Variants in STAT3 observed in about 807,000 individuals in gnomAD.
STAT3 encodes DNA-binding protein APRF.
Under a neutral mutation model 114.3 loss-of-function variants are expected in STAT3, and 7 were observed. The observed-to-expected ratio is 0.06, with a 90% CI of 0.03 to 0.11. The LOEUF (loss-of-function observed/expected upper bound fraction) is 0.11. STAT3 is among the 10% of genes least tolerant of loss of function. The pLI is 1.00. For missense variants in STAT3, 364 were observed against 960.9 expected, an observed-to-expected ratio of 0.38 and a Z score of 8.21; for synonymous variants, 331 against 354.5, an observed-to-expected ratio of 0.93 and a Z score of 0.74.
At chr17:42,367,390 C>T (rs1435219816) in intron 1 of STAT3, among the ~76,000 whole-genome samples, 1 of 151,916 alleles carries the variant, frequency 6.6e-6, no homozygotes, top group Admixed American at 6.6e-5. Flanking sequence ...GCTCAAAACC[C>T]ACTCAGGAAA....
intron 1 of STAT3, among the ~76,000 whole-genome samples, chr17:42,383,359 T>C (rs949722613): frequency 3.6e-5 from 5 of 140,478 alleles, no homozygotes; most frequent in African/African-American, 1.3e-4. Flanking sequence ...GCCCAGCCTG[T>C]TTTTGCCTTT....
rs1567723282 is a variant in STAT3, at chr17:42,339,317, C to T, written c.465G>A (p.Val155=). 3 of 1,613,556 alleles carry T rather than the reference C, an allele frequency of 1.9e-6. No individual in the cohort carries two copies. The highest frequency in any genetic ancestry group is 1.1e-5 in the South Asian group (1 of 91,082). ...CGAGGCTTGTAACTTGCATCACCTG[C>T]ACTCTCTTCCGGACATCCTGAAGGT... ...EQHLQDVRKR[V]QDLEQKMKVV... The change falls in exon 5 of 24, where the codon GTG becomes GTA. Residue 155 remains valine (V), a synonymous_variant. Transcript: ENST00000264657.
chr17:42,322,334 G>C lies in STAT3; in HGVS notation c.2049C>G (p.Phe683Leu), dbSNP rs373256669. The C allele has an allele frequency of 6.2e-7, 1 of 1,614,214 alleles. No homozygotes were observed. The change falls in exon 21 of 24, where the codon TTC becomes TTG. Residue 683 changes from phenylalanine (F) to leucine (L), a missense_variant. By Grantham distance (22) the Phe-to-Leu change is conservative. Coordinates refer to ENST00000264657, the MANE Select transcript of STAT3 (RefSeq NM_139276.3). ...GGCTCTCTGGCCGACAATACTTTCC[G>C]AATGCCTCCTCCTTGGGAATGTCAG... ...LYPDIPKEEA[F>L]GKYCRPESQE...
At chr17:42,343,307 G>A (rs1049454196) in intron 4 of STAT3, among the ~76,000 whole-genome samples, 2 of 151,800 alleles carry the variant, frequency 1.3e-5, no homozygotes, top group Admixed American at 6.6e-5. Context: ...TATTAAAGAC[G>A]GTAAAACCCC....
chr17:42,366,748 C>G (rs1246202559), intron 1 of STAT3, among the ~76,000 whole-genome samples: 1 of 151,752 alleles, frequency 6.6e-6, no homozygotes, highest in Non-Finnish European at 1.5e-5. Flanking sequence ...ATCCAGGCCA[C>G]CAGCATCTCT....
chr17:42,321,958 C>T (rs541157446), intron 21 of STAT3, among the ~76,000 whole-genome samples: 8 of 152,184 alleles, frequency 5.3e-5, no homozygotes, highest in Non-Finnish European at 8.8e-5. Context: ...CAAGTAGCTA[C>T]GACTACAAAT....
intron 1 of STAT3, among the ~76,000 whole-genome samples, chr17:42,354,865 C>T (rs1157822115): frequency 6.7e-6 from 1 of 150,370 alleles, no homozygotes; most frequent in African/African-American, 2.5e-5. Flanking sequence ...TGTTTTACTT[C>T]TTAGTCTAAT....
At position 42,346,716 on chromosome 17, in the gene STAT3, A is replaced by G; in HGVS notation, c.129-3T>C. On this transcript the variant is annotated splice_region_variant and splice_polypyrimidine_tract_variant and intron_variant, in intron 2 of 23. Coordinates refer to ENST00000264657, the MANE Select transcript of STAT3 (RefSeq NM_139276.3). Reference sequence around the variant, plus strand: ...ATTCTTTGCTGGCCGCATATGCCCTAGGAAAAGGAAGAATGATAAAGAATG... The same window carrying G: ...ATTCTTTGCTGGCCGCATATGCCCTGGGAAAAGGAAGAATGATAAAGAATG... 6.2e-7 allele frequency: 1 copy of G among 1,614,158 alleles called. No individual in the cohort carries two copies. Among genetic ancestry groups the G allele is most frequent in the South Asian group, 1.1e-5 (1 of 91,084 alleles).
At chr17:42,345,082 A>C (rs1184136028) in intron 4 of STAT3, among the ~76,000 whole-genome samples, 1 of 151,766 alleles carries the variant, frequency 6.6e-6, no homozygotes, top group Admixed American at 6.6e-5. Flanking sequence ...CCTGACCAAC[A>C]TGAAGAAACC....
intron 1 of STAT3, among the ~76,000 whole-genome samples, chr17:42,359,126 G>C (rs1199841762): frequency 1.3e-5 from 2 of 151,702 alleles, no homozygotes; most frequent in Non-Finnish European, 2.9e-5. Flanking sequence ...TAGTAAAGAG[G>C]GGGTTTCATC....
chr17:42,350,929 G>A (rs1471249494), intron 1 of STAT3, among the ~76,000 whole-genome samples: 3 of 152,036 alleles, frequency 2.0e-5, no homozygotes, highest in South Asian at 2.1e-4. Flanking sequence ...TCAGGAGATC[G>A]AGACCATCCT....
At chr17:42,343,286 T>C (rs2082531593) in intron 4 of STAT3, among the ~76,000 whole-genome samples, 1 of 151,872 alleles carries the variant, frequency 6.6e-6, no homozygotes, top group Non-Finnish European at 1.5e-5. Context: ...AAAATGTCCC[T>C]GATTATAGGA....
Position 42,330,557 on chromosome 17 carries a change from T to C in STAT3, c.1110-781A>G, listed in dbSNP as rs553055294. On this transcript the variant is annotated intron_variant, in intron 11 of 23. Transcript: ENST00000264657. ...CATTCTCCTGCCTCAGCCTCCTGAGTAGCTGGGACTACAGGTGCCCGCCAC... is the reference window on the plus strand; with the variant it reads ...CATTCTCCTGCCTCAGCCTCCTGAGCAGCTGGGACTACAGGTGCCCGCCAC... Among the ~76,000 whole-genome samples, 413 of 151,592 alleles carry C rather than the reference T, an allele frequency of 2.7e-3. 4 individuals carry two copies. Among genetic ancestry groups the C allele is most frequent in the Middle Eastern group, 0.014 (4 of 294 alleles).
chr17:42,386,451 C>T (rs765709139), intron 1 of STAT3, among the ~76,000 whole-genome samples: 4 of 152,264 alleles, frequency 2.6e-5, no homozygotes, highest in South Asian at 2.1e-4. Context: ...ACCCACCTCA[C>T]AAGTCCTTTG....
chr17:42,355,218 G>A (rs903412609), intron 1 of STAT3, among the ~76,000 whole-genome samples: 4 of 152,068 alleles, frequency 2.6e-5, no homozygotes, highest in Middle Eastern at 3.2e-3. Flanking sequence ...TCATATCTAC[G>A]GAATAATTCT....
chr17:42,348,951 A>G (rs968289232), intron 1 of STAT3, among the ~76,000 whole-genome samples: 1 of 152,110 alleles, frequency 6.6e-6, no homozygotes, highest in Non-Finnish European at 1.5e-5. Context: ...GTGCAATGGC[A>G]TGATCATGGG....
chr17:42,368,475 T>C (rs2083924873), intron 1 of STAT3, among the ~76,000 whole-genome samples: 1 of 152,224 alleles, frequency 6.6e-6, no homozygotes, highest in Admixed American at 6.5e-5. Flanking sequence ...TGTTTTGTTT[T>C]TTGAGACAAG....
In STAT3 at chr17:42,337,467, C is replaced by T. The variant is rs527634708; in HGVS notation, c.765G>A (p.Pro255=). The stretch of plus-strand genomic sequence containing the variant: ...CTAGCCGATCTAGGCAGATGTTGGG[C>T]GGGCCTCCAATGCAGGCAATCTGTT... The part of the protein sequence containing the change: ...RRQQIACIGG[P]PNICLDRLEN... The change falls in exon 8 of 24, where the codon CCG becomes CCA. Residue 255 remains proline (P), a synonymous_variant. Coordinates refer to ENST00000264657, the MANE Select transcript of STAT3 (RefSeq NM_139276.3). The surrounding 1 kb of genome is among the most constrained non-coding windows in gnomAD (Gnocchi z 4.0). 3.3e-5 allele frequency: 54 copies of T among 1,614,148 alleles called. No homozygotes were observed. Among genetic ancestry groups the T allele is most frequent in the South Asian group, 2.4e-4 (22 of 91,076 alleles).
At chr17:42,347,910 C>T (rs773486629) in intron 2 of STAT3, among the ~76,000 whole-genome samples, 69 of 152,118 alleles carry the variant, frequency 4.5e-4, no homozygotes, top group Non-Finnish European at 5.9e-4. Flanking sequence ...AACTATGAGC[C>T]GATTAAACCT....
Sources: gnomAD v4.1 joint callset for allele counts (sites outside exome capture counted in the v4.1 genomes callset) on GRCh38, gnomAD v4.1.1 for gene constraint, Gnocchi (gnomAD v3.1) non-coding constraint, MANE v1.5 for transcripts, NCBI Gene and HGNC (gene_info 2026-07-23, HGNC 2026-07-21) for gene names.